SORCS3: variants seen among roughly 807,000 people sequenced by gnomAD.
SORCS3 encodes VPS10 domain-containing receptor SorCS3.
A neutral mutation model predicts 146.3 loss-of-function variants in SORCS3; 57 were observed. The ratio of observed to expected loss-of-function variants is 0.39; its 90% CI spans 0.31 to 0.49. The LOEUF (loss-of-function observed/expected upper bound fraction) is 0.49. Ranked by LOEUF, SORCS3 falls within the 20% of genes least tolerant of loss-of-function variation. The pLI is 0.92. For missense variants in SORCS3, 1,341 were observed against 1,575.5 expected, an observed-to-expected ratio of 0.85 and a Z score of 2.52; for synonymous variants, 653 against 618.5, an observed-to-expected ratio of 1.06 and a Z score of -0.83.
At chr10:104,651,762 AT>A (rs1056508008) in intron 1 of SORCS3, among the ~76,000 whole-genome samples, 2 of 152,052 alleles carry the variant, frequency 1.3e-5, no homozygotes, top group African/African-American at 4.8e-5. Context: ...CTCTACCCGT[AT>A]TCCCGGGGTG....
chr10:104,983,212 G>C (rs1589578700), intron 4 of SORCS3, among the ~76,000 whole-genome samples: 1 of 151,978 alleles, frequency 6.6e-6, no homozygotes, highest in East Asian at 1.9e-4. Context: ...TGTTAGTCAG[G>C]CTGGTCTCAA....
chr10:104,870,655 G>T (rs1344762333), intron 2 of SORCS3, among the ~76,000 whole-genome samples: 1 of 152,138 alleles, frequency 6.6e-6, no homozygotes. Context: ...GGATAACCAG[G>T]GGAGTGGAGG....
At chr10:105,116,031 C>T (rs907999992) in intron 7 of SORCS3, among the ~76,000 whole-genome samples, 2 of 152,190 alleles carry the variant, frequency 1.3e-5, no homozygotes, top group Admixed American at 6.5e-5. Context: ...GTGTTTTCAA[C>T]AGCCAGCCCA....
In SORCS3 at chr10:104,741,797, CT is replaced by C. The variant is rs575895040; in HGVS notation, c.627+99850del. On this transcript the variant is annotated intron_variant, in intron 1 of 26. Coordinates refer to ENST00000369701, the MANE Select transcript of SORCS3 (RefSeq NM_014978.3). ...TCAGTTCTAAAATTGCCAGATGGTT[CT>C]TTTTTTATATCTCCCATTTCTTTGC... Among the ~76,000 whole-genome samples, 6 of 96,704 alleles carry C rather than the reference CT, an allele frequency of 6.2e-5. No individual in the cohort carries two copies. The East Asian group carries it at 1.9e-3, about 31-fold the overall frequency. The allele number at this position is 96,704 out of a possible 152,430, so 63.4% of individuals were successfully genotyped here.
chr10:105,169,559 T>A (rs989436672), intron 13 of SORCS3, among the ~76,000 whole-genome samples: 1 of 152,162 alleles, frequency 6.6e-6, no homozygotes, highest in Admixed American at 6.5e-5. Context: ...TTGACCGAAG[T>A]CCAGAATTCA....
intron 2 of SORCS3, among the ~76,000 whole-genome samples, chr10:104,844,749 C>G (rs185013375): frequency 1.4e-3 from 207 of 152,208 alleles, no homozygotes; most frequent in Non-Finnish European, 2.3e-3. Flanking sequence ...GTTCTGGAGC[C>G]CAGAAGTCTG....
At chr10:104,666,353 A>G (rs756363259) in intron 1 of SORCS3, among the ~76,000 whole-genome samples, 3 of 152,160 alleles carry the variant, frequency 2.0e-5, no homozygotes, top group Non-Finnish European at 4.4e-5. Flanking sequence ...AGCATCAGGC[A>G]GGAGGAGGAG....
intron 2 of SORCS3, among the ~76,000 whole-genome samples, chr10:104,892,867 T>C (rs1333564271): frequency 6.6e-6 from 1 of 152,218 alleles, no homozygotes; most frequent in Non-Finnish European, 1.5e-5. Flanking sequence ...CCTCTCTCTC[T>C]TGCTCACTGT....
chr10:104,724,314 T>C lies in SORCS3; in HGVS notation c.627+82360T>C, dbSNP rs567280117. On this transcript the variant is annotated intron_variant, in intron 1 of 26. Transcript: ENST00000369701. ...TGTTGAATATTGGCCCCCACTCTCTTCTGACTTGTAGAGTTTCTGCCGAGA... is the reference window on the plus strand; with the variant it reads ...TGTTGAATATTGGCCCCCACTCTCTCCTGACTTGTAGAGTTTCTGCCGAGA... 3.3e-5 allele frequency among the ~76,000 whole-genome samples: 5 copies of C among 152,310 alleles called. No homozygotes were observed. In the South Asian group the frequency reaches 1.0e-3, roughly 32 times the overall value.
At chr10:104,670,834 C>T (rs2015842241) in intron 1 of SORCS3, among the ~76,000 whole-genome samples, 1 of 151,908 alleles carries the variant, frequency 6.6e-6, no homozygotes, top group South Asian at 2.1e-4. Flanking sequence ...CCATTTATGT[C>T]TTTAATTTCT....
chr10:105,095,454 C>T (rs1436695342), intron 6 of SORCS3, among the ~76,000 whole-genome samples: 1 of 152,158 alleles, frequency 6.6e-6, no homozygotes, highest in East Asian at 1.9e-4. Flanking sequence ...TTATCCAGTA[C>T]CCTCAGCACT....
At chr10:104,853,099 A>C (rs571297060) in intron 2 of SORCS3, among the ~76,000 whole-genome samples, 1 of 152,240 alleles carries the variant, frequency 6.6e-6, no homozygotes, top group African/African-American at 2.4e-5. Context: ...GGAGTTCCAG[A>C]CCAGCCTGAC....
At chr10:104,975,983 T>G (rs1241886733) in intron 3 of SORCS3, among the ~76,000 whole-genome samples, 9 of 152,324 alleles carry the variant, frequency 5.9e-5, no homozygotes, top group Admixed American at 2.0e-4. Flanking sequence ...GGCATTACCA[T>G]TTAGGACATA....
intron 13 of SORCS3, among the ~76,000 whole-genome samples, chr10:105,173,604 CT>C (rs2056377603): frequency 6.6e-6 from 1 of 152,172 alleles, no homozygotes; most frequent in East Asian, 1.9e-4. Context: ...CTTGAATCCA[CT>C]TTGGGTGTTG....
At chr10:105,110,872 T>A (rs1250150159) in intron 7 of SORCS3, among the ~76,000 whole-genome samples, 1 of 152,004 alleles carries the variant, frequency 6.6e-6, no homozygotes, top group Non-Finnish European at 1.5e-5. Context: ...GCTTACTAAT[T>A]GATTTTCTTC....
chr10:105,009,326 C>G (rs1345880323), intron 4 of SORCS3, among the ~76,000 whole-genome samples: 3 of 152,034 alleles, frequency 2.0e-5, no homozygotes, highest in African/African-American at 4.8e-5. Context: ...AAACATACTT[C>G]CAATGTAATT....
At chr10:105,219,258 G>A (rs1346731093) in intron 19 of SORCS3, among the ~76,000 whole-genome samples, 1 of 152,158 alleles carries the variant, frequency 6.6e-6, no homozygotes, top group Non-Finnish European at 1.5e-5. Context: ...TAGAGGAAAC[G>A]AGGCAGAAGC....
intron 5 of SORCS3, among the ~76,000 whole-genome samples, chr10:105,075,960 C>A (rs2055586369): frequency 6.6e-6 from 1 of 152,184 alleles, no homozygotes; most frequent in Non-Finnish European, 1.5e-5. Flanking sequence ...TACGTTCCAA[C>A]ACAAGTTTTT....
intron 1 of SORCS3, among the ~76,000 whole-genome samples, chr10:104,816,794 C>G (rs1589509954): frequency 1.3e-5 from 2 of 152,230 alleles, no homozygotes; most frequent in African/African-American, 4.8e-5. Flanking sequence ...TCATTGGAAA[C>G]AAAACCTAGC....
Sources: allele counts gnomAD v4.1 joint callset (sites outside exome capture counted in the v4.1 genomes callset), GRCh38; gene constraint gnomAD v4.1.1; transcripts MANE v1.5; gene names NCBI Gene and HGNC (gene_info 2026-07-23, HGNC 2026-07-21).